Variants in NSUN3 observed in about 807,000 individuals in gnomAD.
The protein encoded by NSUN3 is tRNA (cytosine(34)-C(5))-methyltransferase, mitochondrial.
Under a neutral mutation model 36.8 loss-of-function variants are expected in NSUN3, and 24 were observed. The ratio of observed to expected loss-of-function variants is 0.65; its 90% CI spans 0.47 to 0.92. The LOEUF (loss-of-function observed/expected upper bound fraction) is 0.92. Among genes scored for constraint, NSUN3 ranks in the 40% least tolerant of loss-of-function variants. NSUN3 has a pLI of 0.00. For missense variants in NSUN3, 381 were observed against 392.8 expected, an observed-to-expected ratio of 0.97 and a Z score of 0.25; for synonymous variants, 146 against 145.2, an observed-to-expected ratio of 1.01 and a Z score of -0.04.
chr3:94,072,951 C>G (rs915311814), intron 2 of NSUN3, among the ~76,000 whole-genome samples: 1 of 152,088 alleles, frequency 6.6e-6, no homozygotes, highest in Non-Finnish European at 1.5e-5. Flanking sequence ...TATCTGTCCC[C>G]CAGCCCCTCA....
intron 5 of NSUN3, among the ~76,000 whole-genome samples, chr3:94,100,182 A>G (rs1327991820): frequency 1.3e-5 from 2 of 152,234 alleles, no homozygotes; most frequent in South Asian, 2.1e-4. Flanking sequence ...GAAGAGGTAA[A>G]TAAGGGAAAC....
intron 5 of NSUN3, among the ~76,000 whole-genome samples, chr3:94,117,134 G>A (rs574128790): frequency 5.4e-4 from 82 of 151,702 alleles, no homozygotes; most frequent in Non-Finnish European, 1.1e-3. Context: ...CAGTGGCTGG[G>A]GTTATAGGCG....
Position 94,095,090 on chromosome 3 carries a change from C to G in NSUN3, c.679C>G (p.Gln227Glu). ...AAGCTGGTTGTTTTCTTCTGACTCTCAGAAGGCATCCTGTAGGATAAGTCA... is the reference window on the plus strand; with the variant it reads ...AAGCTGGTTGTTTTCTTCTGACTCTGAGAAGGCATCCTGTAGGATAAGTCA... The part of the protein sequence containing the change: ...DRSWLFSSDS[Q>E]KASCRISQRR... Residue 227 changes from glutamine (Q) to glutamate (E), a missense_variant, in exon 5 of 6, where the codon CAG (glutamine) becomes GAG (glutamate). By Grantham distance (29) the Gln-to-Glu change is conservative. Coordinates refer to ENST00000314622, the MANE Select transcript of NSUN3 (RefSeq NM_022072.5). The G allele has an allele frequency of 6.2e-7, 1 of 1,613,910 alleles. No individual in the cohort carries two copies. Among genetic ancestry groups the G allele is most frequent in the East Asian group, 2.2e-5 (1 of 44,858 alleles).
At chr3:94,081,762 T>C (rs978425508) in intron 2 of NSUN3, 4 of 152,180 alleles carry the variant, frequency 2.6e-5, no homozygotes, top group African/African-American at 7.2e-5. Flanking sequence ...TGTGAATAAA[T>C]GGAGAAACAT....
At chr3:94,110,935 G>T (rs1281472729) in intron 5 of NSUN3, among the ~76,000 whole-genome samples, 1 of 152,048 alleles carries the variant, frequency 6.6e-6, no homozygotes, top group Non-Finnish European at 1.5e-5. Context: ...TGAAGATTGG[G>T]CCTGGATCCC....
chr3:94,084,075 T>G (rs2077281955), intron 2 of NSUN3, 32 bp from the exon 3 acceptor site: 1 of 1,477,078 alleles, frequency 6.8e-7, no homozygotes, highest in Admixed American at 1.7e-5. Context: ...ATCATATTAA[T>G]ATTCTCTTAT....
intron 5 of NSUN3, among the ~76,000 whole-genome samples, chr3:94,115,896 A>T (rs2077437937): frequency 6.6e-6 from 1 of 152,218 alleles, no homozygotes; most frequent in Admixed American, 6.5e-5. Flanking sequence ...TGAAACGCAG[A>T]TATTTGCCAA....
At chr3:94,083,990 A>G in intron 2 of NSUN3, 117 bp from the exon 3 acceptor site, 1 of 737,288 alleles carries the variant, frequency 1.4e-6, no homozygotes, top group Non-Finnish European at 2.2e-6. Flanking sequence ...CCTGTCTCTT[A>G]AAATCACAGG....
chr3:94,080,954 A>G (rs1198810050), intron 2 of NSUN3, among the ~76,000 whole-genome samples: 1 of 152,140 alleles, frequency 6.6e-6, no homozygotes, highest in Non-Finnish European at 1.5e-5. Flanking sequence ...CCACTGGGGT[A>G]TGGAAAAGAA....
At chr3:94,117,381 A>G (rs1042437059) in intron 5 of NSUN3, among the ~76,000 whole-genome samples, 5 of 152,026 alleles carry the variant, frequency 3.3e-5, no homozygotes, top group Admixed American at 1.3e-4. Flanking sequence ...CTGAAGTACC[A>G]CTTGGTTGTA....
At chr3:94,109,971 A>G (rs947105328) in intron 5 of NSUN3, among the ~76,000 whole-genome samples, 1 of 152,208 alleles carries the variant, frequency 6.6e-6, no homozygotes, top group Non-Finnish European at 1.5e-5. Flanking sequence ...TCTCAAACTT[A>G]AAAAGGTAAT....
At position 94,126,703 on chromosome 3, in the gene NSUN3, A is replaced by G. The variant is rs1181644819; in HGVS notation, c.*213A>G. The G allele has an allele frequency of 4.0e-6, 2 of 494,512 alleles. No homozygotes were observed. Among genetic ancestry groups the G allele is most frequent in the African/African-American group, 3.8e-5 (2 of 52,064 alleles). The allele number at this position is 494,512 out of a possible 1,614,324, so 30.6% of individuals were successfully genotyped here. ...CTGTAACAATGATTTAAGGTGGTGC[A>G]GATGGTGTTTGTTCTATATTATAAA... On this transcript the variant is annotated 3_prime_UTR_variant, in exon 6 of 6. Coordinates refer to ENST00000314622, the MANE Select transcript of NSUN3 (RefSeq NM_022072.5).
intron 5 of NSUN3, among the ~76,000 whole-genome samples, chr3:94,101,430 A>C (rs1300086701): frequency 6.6e-6 from 1 of 152,146 alleles, no homozygotes; most frequent in African/African-American, 2.4e-5. Flanking sequence ...TTTAACATGA[A>C]AAACTTATTG....
intron 5 of NSUN3, among the ~76,000 whole-genome samples, chr3:94,105,498 T>C (rs778323114): frequency 2.0e-5 from 3 of 152,208 alleles, no homozygotes; most frequent in Non-Finnish European, 4.4e-5. Flanking sequence ...GTCAAATGAC[T>C]TCTTTAGGAA....
At chr3:94,068,469 A>C (rs1022318353) in intron 2 of NSUN3, among the ~76,000 whole-genome samples, 12 of 152,186 alleles carry the variant, frequency 7.9e-5, no homozygotes, top group Non-Finnish European at 1.0e-4. Context: ...GACTTGGGCA[A>C]GTCTTCTGCT....
In NSUN3 at chr3:94,126,524, T is replaced by G; in HGVS notation, c.*34T>G. On this transcript the variant is annotated 3_prime_UTR_variant, in exon 6 of 6. Coordinates refer to ENST00000314622, the MANE Select transcript of NSUN3 (RefSeq NM_022072.5). The stretch of plus-strand genomic sequence containing the variant: ...TGTAAACTGTGTTTATGTGTTATTA[T>G]ATTTATATTTCTGAACTCAGTACAT... 6.4e-7 allele frequency: 1 copy of G among 1,564,766 alleles called. No homozygotes were observed. Among genetic ancestry groups the G allele is most frequent in the Non-Finnish European group, 8.7e-7 (1 of 1,148,432 alleles).
chr3:94,113,788 TTACCAAGTTACTTGGAATAAC>T (rs1414870437), intron 5 of NSUN3, among the ~76,000 whole-genome samples: 6 of 152,218 alleles, frequency 3.9e-5, no homozygotes, highest in African/African-American at 1.4e-4. Context: ...GTTAAATGAA[TTACCAAGTTACTTGGAATAAC>T]TACCAAGTTA....
intron 2 of NSUN3, among the ~76,000 whole-genome samples, chr3:94,071,855 G>A (rs2077225733): frequency 6.6e-6 from 1 of 152,004 alleles, no homozygotes; most frequent in Non-Finnish European, 1.5e-5. Context: ...TAAGCTACTT[G>A]CCCATCCATA....
At chr3:94,067,271 C>T (rs529122410) in intron 2 of NSUN3, among the ~76,000 whole-genome samples, 1 of 152,320 alleles carries the variant, frequency 6.6e-6, no homozygotes, top group South Asian at 2.1e-4. Flanking sequence ...TTGGAGAGGA[C>T]AGCTGGAAGC....
Sources: allele counts gnomAD v4.1 joint callset (sites outside exome capture counted in the v4.1 genomes callset), GRCh38; gene constraint gnomAD v4.1.1; transcripts MANE v1.5; gene names NCBI Gene and HGNC (gene_info 2026-07-23, HGNC 2026-07-21).